Variants in SLAIN1 observed in about 807,000 individuals in gnomAD.
The protein encoded by SLAIN1 is SLAIN family member 1, also known as SLAIN motif-containing protein 1.
In SLAIN1, 17 loss-of-function variants were observed where a neutral mutation model predicts 55.4. The observed-to-expected ratio is 0.31, with a 90% CI of 0.21 to 0.46. The LOEUF is 0.46. Ranked by LOEUF, SLAIN1 falls within the 20% of genes least tolerant of loss-of-function variation. The pLI is 1.00. For missense variants in SLAIN1, 682 were observed against 785.1 expected, an observed-to-expected ratio of 0.87 and a Z score of 1.57; for synonymous variants, 348 against 337.4, an observed-to-expected ratio of 1.03 and a Z score of -0.35.
chr13:77,720,932 G>T (rs1019660580), intron 2 of SLAIN1, among the ~76,000 whole-genome samples: 1 of 151,998 alleles, frequency 6.6e-6, no homozygotes, highest in African/African-American at 2.4e-5. Context: ...ACAAAGGCAT[G>T]TTAGGGTTAA....
intron 3 of SLAIN1, 24 bp from the exon 4 acceptor site, chr13:77,746,490 A>G (rs767022855): frequency 1.3e-6 from 2 of 1,554,456 alleles, no homozygotes; most frequent in Non-Finnish European, 1.8e-6. Context: ...AAAATACATT[A>G]GAGTACTATT....
intron 1 of SLAIN1, among the ~76,000 whole-genome samples, chr13:77,708,893 A>T (rs2091117501): frequency 6.6e-6 from 1 of 152,102 alleles, no homozygotes; most frequent in African/African-American, 2.4e-5. Flanking sequence ...GCAAGGGAAC[A>T]AAACTGGACG....
At chr13:77,736,080 C>G (rs1873102604) in intron 2 of SLAIN1, among the ~76,000 whole-genome samples, 1 of 152,046 alleles carries the variant, frequency 6.6e-6, no homozygotes, top group Non-Finnish European at 1.5e-5. Flanking sequence ...AATCTCAGCT[C>G]TTGTGTTGAG....
intron 1 of SLAIN1, among the ~76,000 whole-genome samples, chr13:77,702,606 G>C (rs555271650): frequency 8.5e-5 from 13 of 152,162 alleles, no homozygotes; most frequent in African/African-American, 3.1e-4. Context: ...AGTGTTGAGG[G>C]ACGGGAGCTC....
chr13:77,714,804 A>T lies in SLAIN1; in HGVS notation c.627-4728A>T, dbSNP rs549721183. 3.6e-4 allele frequency among the ~76,000 whole-genome samples: 55 copies of T among 152,150 alleles called. No homozygotes were observed. In the Middle Eastern group the frequency reaches 0.017, roughly 47 times the overall value. On this transcript the variant is annotated intron_variant, in intron 1 of 6. Transcript: ENST00000418532. Reference sequence around the variant, plus strand: ...TGTAGTGAACAGATTTCAACACTTGAAGTTTCCTGTGGCCCCTTGTTTTCC... The same window carrying T: ...TGTAGTGAACAGATTTCAACACTTGTAGTTTCCTGTGGCCCCTTGTTTTCC...
In SLAIN1 at chr13:77,698,778, C is replaced by T. The variant is rs993224466; in HGVS notation, c.626+239C>T. 1.1e-5 allele frequency: 13 copies of T among 1,236,524 alleles called. No homozygotes were observed. Among genetic ancestry groups the T allele is most frequent in the Admixed American group, 2.8e-5 (1 of 35,986 alleles). The allele number at this position is 1,236,524 out of a possible 1,614,324, so 76.6% of individuals were successfully genotyped here. On this transcript the variant is annotated intron_variant, in intron 1 of 6. Transcript: ENST00000418532. The surrounding 1 kb of genome is among the most constrained non-coding windows in gnomAD (Gnocchi z 4.1). ...TCCGACTGCGGATGAACCGGCCCCC[C>T]CTTCCCCCCATCTGCCATGGGTTCT...
chr13:77,740,740 AAAATTGCTCT>A (rs1873381762), intron 2 of SLAIN1, among the ~76,000 whole-genome samples: 2 of 152,070 alleles, frequency 1.3e-5, no homozygotes, highest in African/African-American at 4.8e-5. Context: ...TGAAAAAGAT[AAAATTGCTCT>A]TTTTTACAAG....
chr13:77,735,409 A>C (rs1376088279), intron 2 of SLAIN1, among the ~76,000 whole-genome samples: 1 of 152,124 alleles, frequency 6.6e-6, no homozygotes, highest in Admixed American at 6.6e-5. Context: ...ACCTGATGCT[A>C]TGGTTCCAGC....
At chr13:77,755,042 T>C (rs922291285) in intron 5 of SLAIN1, among the ~76,000 whole-genome samples, 2 of 152,164 alleles carry the variant, frequency 1.3e-5, no homozygotes, top group African/African-American at 4.8e-5. Flanking sequence ...GTTAGGAGAA[T>C]GGGCCAAATG....
chr13:77,699,293 T>A (rs553934806), intron 1 of SLAIN1: 26 of 297,498 alleles, frequency 8.7e-5, no homozygotes, highest in African/African-American at 4.7e-4. Flanking sequence ...TTTAATTTTT[T>A]AAATTAAACT....
At chr13:77,722,018 G>C (rs895712733) in intron 2 of SLAIN1, among the ~76,000 whole-genome samples, 5 of 148,872 alleles carry the variant, frequency 3.4e-5, no homozygotes, top group African/African-American at 5.0e-5. Context: ...TTTCTAAAAA[G>C]TAATCCTAAT....
At chr13:77,763,117 T>G (rs1009277119) in intron 6 of SLAIN1, 28 bp from the exon 7 acceptor site, 1 of 1,586,398 alleles carries the variant, frequency 6.3e-7, no homozygotes, top group Non-Finnish European at 8.7e-7. Context: ...TAACAATCTC[T>G]CTCTCTGTTT....
rs151210788 is a variant in SLAIN1, at chr13:77,703,221, A to G, written c.626+4682A>G. On this transcript the variant is annotated intron_variant, in intron 1 of 6. Transcript: ENST00000418532. ...AGACAATGGAAAAGTTGTTAATTAT[A>G]CAAGGAAAAATGGTGACTTGTACAA... is the stretch of plus-strand genomic sequence containing the variant. Among the ~76,000 whole-genome samples, 526 of 152,290 alleles carry G rather than the reference A, an allele frequency of 3.5e-3. 4 individuals are homozygous for G. The highest frequency in any genetic ancestry group is 5.6e-3 in the Non-Finnish European group (382 of 68,010).
rs748470483 is a variant in SLAIN1 at position 77,746,499 on chromosome 13, T to C, written c.917-15T>C. ...TAGATCAAAATACATTAGAGTACTA[T>C]TTGTTATTTTATAGGTCTCAGGCAA... On this transcript the variant is annotated splice_polypyrimidine_tract_variant and intron_variant, in intron 3 of 6. Transcript: ENST00000418532. 1.3e-5 allele frequency: 21 copies of C among 1,580,624 alleles called. No homozygotes were observed. Among genetic ancestry groups the C allele is most frequent in the Non-Finnish European group, 1.6e-5 (19 of 1,158,390 alleles).
chr13:77,713,354 T>C (rs1489254817), intron 1 of SLAIN1, among the ~76,000 whole-genome samples: 1 of 151,970 alleles, frequency 6.6e-6, no homozygotes, highest in African/African-American at 2.4e-5. Context: ...CATCAAAAAG[T>C]GGGCGAAGGA....
At chr13:77,748,289 C>A (rs1023532598) in intron 4 of SLAIN1, among the ~76,000 whole-genome samples, 3 of 148,974 alleles carry the variant, frequency 2.0e-5, no homozygotes, top group Non-Finnish European at 4.5e-5. Flanking sequence ...GTCATCATGA[C>A]TAACATATTA....
intron 1 of SLAIN1, among the ~76,000 whole-genome samples, chr13:77,700,596 T>C (rs753583413): frequency 7.2e-5 from 11 of 152,216 alleles, no homozygotes; most frequent in Non-Finnish European, 1.5e-4. Context: ...ATGAAGAAAA[T>C]ATCAACAGGG....
chr13:77,702,706 C>T (rs1036786709), intron 1 of SLAIN1, among the ~76,000 whole-genome samples: 4 of 140,054 alleles, frequency 2.9e-5, no homozygotes, highest in Non-Finnish European at 6.0e-5. Flanking sequence ...GAAGTGTTTA[C>T]ATCACTGATA....
chr13:77,751,985 A>T (rs1307244329), intron 4 of SLAIN1, among the ~76,000 whole-genome samples: 1 of 151,880 alleles, frequency 6.6e-6, no homozygotes, highest in Non-Finnish European at 1.5e-5. Context: ...TGGCTGGCTT[A>T]TTTCACATGT....
Sources: allele counts gnomAD v4.1 joint callset (sites outside exome capture counted in the v4.1 genomes callset), GRCh38; gene constraint gnomAD v4.1.1; non-coding constraint Gnocchi (gnomAD v3.1); transcripts MANE v1.5; gene names NCBI Gene and HGNC (gene_info 2026-07-23, HGNC 2026-07-21).